The following HGS variants were observed in gnomAD, a reference collection of about 807,000 sequenced individuals.
HGS encodes the protein human growth factor-regulated tyrosine kinase substrate.
In HGS, 63 loss-of-function variants were observed where a neutral mutation model predicts 109.7. The ratio of observed to expected loss-of-function variants is 0.57; its 90% CI spans 0.47 to 0.71. HGS has a LOEUF of 0.71. Ranked by LOEUF, HGS falls within the 30% of genes least tolerant of loss-of-function variation. The pLI, the probability that HGS is intolerant of heterozygous loss-of-function variation, is 0.00. For missense variants in HGS, 995 were observed against 1,068.3 expected (o/e 0.93, Z 0.96); for synonymous variants, 546 against 437.3 (o/e 1.25, Z -3.10).
intron 5 of HGS, among the ~76,000 whole-genome samples, 192 bp from the exon 6 acceptor site, chr17:81,689,990 C>T (rs565074389): frequency 2.6e-5 from 4 of 152,194 alleles, no homozygotes; most frequent in East Asian, 1.9e-4. Context: ...TCTTGTCTCC[C>T]GCCACAGTGA....
Position 81,688,827 on chromosome 17 carries a change from G to A in HGS, c.415G>A (p.Gly139Arg), listed in dbSNP as rs2037022399. ...CACCTACCAGATCATGAAGGTGGAGGGTGAGTCAGGACTGAGGTTGGGACC... is the reference window on the plus strand; with the variant it reads ...CACCTACCAGATCATGAAGGTGGAGAGTGAGTCAGGACTGAGGTTGGGACC... Reference protein sequence around the residue: ...QDTYQIMKVEGHVFPEFKESD... With the variant: ...QDTYQIMKVERHVFPEFKESD... Residue 139 changes from glycine to arginine, a missense_variant and splice_region_variant, in exon 5 of 22, where the codon GGG becomes AGG. Physicochemically the swap from Gly to Arg is moderately radical, Grantham distance 125 (BLOSUM62 -2). Around this residue, in one of 6 missense-constraint regions of HGS, gnomAD observed 182 missense variants for 261.3 expected, o/e 0.70. Coordinates refer to ENST00000329138, the MANE Select transcript of HGS (RefSeq NM_004712.5). The A allele has an allele frequency of 1.9e-6, 3 of 1,614,134 alleles. No individual in the cohort carries two copies. The highest frequency in any genetic ancestry group is 1.1e-5 in the South Asian group (1 of 91,080).
At chr17:81,685,939 T>G (rs531551132) in intron 2 of HGS, among the ~76,000 whole-genome samples, 158 of 139,864 alleles carry the variant, frequency 1.1e-3, no homozygotes, top group Admixed American at 2.3e-3. Context: ...GCAGACAGAC[T>G]TTTTTTTTTA....
chr17:81,694,767 G>A, intron 11 of HGS, 48 bp from the exon 12 acceptor site: 1 of 1,613,328 alleles, frequency 6.2e-7, no homozygotes, highest in African/African-American at 1.3e-5. Context: ...CCCTGCCGAA[G>A]CAACTGGCTC....
intron 18 of HGS, among the ~76,000 whole-genome samples, chr17:81,700,021 G>C (rs373484125): frequency 6.6e-6 from 1 of 150,670 alleles, no homozygotes; most frequent in Non-Finnish European, 1.5e-5. Flanking sequence ...GTTGCAGTGA[G>C]CTGAGATCGC....
chr17:81,699,681 C>T (rs2037204185), intron 18 of HGS, among the ~76,000 whole-genome samples: 1 of 152,134 alleles, frequency 6.6e-6, no homozygotes, highest in Non-Finnish European at 1.5e-5. Flanking sequence ...GCCTCGGCCT[C>T]CCAAAGTGCT....
At chr17:81,698,006 TTAA>T (rs1417139916) in intron 18 of HGS, 1 of 151,348 alleles carries the variant, frequency 6.6e-6, no homozygotes, top group Admixed American at 6.6e-5. Flanking sequence ...GCCTGGCTAA[TTAA>T]AAAAAAAAGG....
chr17:81,700,945 G>T, intron 20 of HGS, 100 bp from the exon 21 acceptor site: 1 of 1,523,224 alleles, frequency 6.6e-7, no homozygotes, highest in Non-Finnish European at 9.1e-7. Context: ...CACTCTCTGG[G>T]TGCTCCCTGT....
rs35108781 is a variant in HGS at position 81,695,980 on chromosome 17, C to T, written c.1374C>T (p.Asn458=). 1,779 of 1,561,758 alleles carry T rather than the reference C, an allele frequency of 1.1e-3. 24 individuals are homozygous for T. The African/African-American group carries it at 0.022, about 19-fold the overall frequency. ...GMHPQLLELL[N]QLDERRLYYE... is the part of the protein sequence containing the mutation. ...ACCCGCAGCTGCTGGAGCTGCTCAA[C>T]CAGCTGGACGAGCGCAGGCGTAGGT... is the stretch of plus-strand genomic sequence containing the variant. The change falls in exon 15 of 22, where the codon AAC becomes AAT. Residue 458 remains asparagine, a synonymous_variant. Coordinates refer to ENST00000329138, the MANE Select transcript of HGS (RefSeq NM_004712.5).
rs1598742118 is a variant in HGS, at chr17:81,684,851, C to T, written c.37+748C>T. 5.2e-6 allele frequency: 5 copies of T among 968,478 alleles called. No homozygotes were observed. In the South Asian group the frequency reaches 1.9e-4, roughly 37 times the overall value. The allele number at this position is 968,478 out of a possible 1,614,324, so 60.0% of individuals were successfully genotyped here. The stretch of plus-strand genomic sequence containing the variant: ...ACTTCAAGTGAGACACCTTCCTTGC[C>T]AAGGGAACCAGCAAGCAGACTGAGT... On this transcript the variant is annotated intron_variant, in intron 1 of 21. Coordinates refer to ENST00000329138, the MANE Select transcript of HGS (RefSeq NM_004712.5).
At position 81,693,706 on chromosome 17, in the gene HGS, T is replaced by C; in HGVS notation, c.794T>C (p.Leu265Pro). Residue 265 changes from leucine (L) to proline (P), a missense_variant, in exon 10 of 22, where the codon CTG (leucine) becomes CCG (proline). Around this residue, in one of 6 missense-constraint regions of HGS, gnomAD observed 300 missense variants for 235.4 expected, o/e 1.27. Transcript: ENST00000329138. Reference protein sequence around the residue: ...TALQEEEELQLALALSQSEAE... With the variant: ...TALQEEEELQPALALSQSEAE... ...CTGCAGGAGGAGGAGGAGCTGCAGC[T>C]GGCCCTGGCGCTGTCACAGTCAGAG... is the stretch of plus-strand genomic sequence containing the variant. 6.4e-7 allele frequency: 1 copy of C among 1,558,718 alleles called. No individual in the cohort carries two copies. Among genetic ancestry groups the C allele is most frequent in the Non-Finnish European group, 8.7e-7 (1 of 1,151,396 alleles).
intron 5 of HGS, among the ~76,000 whole-genome samples, chr17:81,689,327 T>C (rs1395815143): frequency 2.0e-5 from 3 of 151,898 alleles, no homozygotes; most frequent in African/African-American, 7.3e-5. Flanking sequence ...TGGGCTGGAG[T>C]TCAGGGTTGC....
Position 81,691,547 on chromosome 17 carries a change from A to AG in HGS, c.639dup (p.Pro214AlafsTer19). 6.2e-7 allele frequency: 1 copy of AG among 1,614,012 alleles called. No individual in the cohort carries two copies. The highest frequency in any genetic ancestry group is 8.5e-7 in the Non-Finnish European group (1 of 1,179,958). ...ATCGAGAAGGAGGTGCGCGTGTGTG[A>AG]GCCCTGCTACGAGCAGCTGAACAGG... On this transcript the variant is annotated frameshift_variant, in exon 8 of 22. Coordinates refer to ENST00000329138, the MANE Select transcript of HGS (RefSeq NM_004712.5). LOFTEE classifies it high-confidence loss of function. The surrounding 1 kb of genome is among the most constrained non-coding windows in gnomAD (Gnocchi z 5.3).
At chr17:81,695,127 G>T (rs747869990) in intron 13 of HGS, 37 bp from the exon 14 acceptor site, 1 of 1,613,784 alleles carries the variant, frequency 6.2e-7, no homozygotes, top group Non-Finnish European at 8.5e-7. Flanking sequence ...GTGGATGCGG[G>T]ACAGGTTGGA....
intron 7 of HGS, 131 bp downstream of exon 7, chr17:81,690,873 G>A (rs886658156): frequency 2.7e-6 from 2 of 728,620 alleles, no homozygotes; most frequent in African/African-American, 3.6e-5. Context: ...GCTCGCAGCG[G>A]GTGGCAGTGT....
chr17:81,685,368 G>T (rs2036962149), intron 1 of HGS, among the ~76,000 whole-genome samples: 1 of 152,222 alleles, frequency 6.6e-6, no homozygotes, highest in Non-Finnish European at 1.5e-5. Flanking sequence ...TCGCTCGCGG[G>T]TTGTGGGAGG....
At chr17:81,688,298 G>A (rs992860625) in intron 4 of HGS, among the ~76,000 whole-genome samples, 1 of 151,588 alleles carries the variant, frequency 6.6e-6, no homozygotes, top group African/African-American at 2.4e-5. Context: ...CTCCCCGGCT[G>A]TGACTGGAAG....
At chr17:81,684,898 C>A in intron 1 of HGS, 1 of 985,284 alleles carries the variant, frequency 1.0e-6, no homozygotes, top group Non-Finnish European at 1.2e-6. Context: ...ACAGGTAGTT[C>A]AGTGCTTCAG....
rs373129651 is a variant in HGS, at chr17:81,693,759, C to T, written c.840+7C>T. 1,512 of 1,540,846 alleles carry T rather than the reference C, an allele frequency of 9.8e-4. No homozygotes were observed. The highest frequency in any genetic ancestry group is 1.2e-3 in the Non-Finnish European group (1,318 of 1,145,884). On this transcript the variant is annotated splice_region_variant and intron_variant, in intron 10 of 21. Coordinates refer to ENST00000329138, the MANE Select transcript of HGS (RefSeq NM_004712.5). ...GGAGGAGAAGGAGAGGCTGGTAAGC[C>T]GGGTGGGGCGGGGCGGCCTCAGGAG...
intron 2 of HGS, 28 bp from the exon 3 acceptor site, chr17:81,686,284 T>C: frequency 6.3e-7 from 1 of 1,596,478 alleles, no homozygotes; most frequent in Non-Finnish European, 8.6e-7. Flanking sequence ...CCCGTTTTTC[T>C]CTGCTTTTAT....
Sources: allele counts gnomAD v4.1 joint callset (sites outside exome capture counted in the v4.1 genomes callset), GRCh38; gene constraint gnomAD v4.1.1; regional missense constraint gnomAD v4.1.1; non-coding constraint Gnocchi (gnomAD v3.1); transcripts MANE v1.5; gene names NCBI Gene and HGNC (gene_info 2026-07-23, HGNC 2026-07-21).